The following CSMD1 variants were observed in gnomAD, a reference collection of about 807,000 sequenced individuals.
The protein encoded by CSMD1 is CUB and sushi domain-containing protein 1.
A neutral mutation model predicts 417.5 loss-of-function variants in CSMD1; 213 were observed. That is an observed-to-expected ratio of 0.51 (90% confidence interval 0.46 to 0.57). The LOEUF (loss-of-function observed/expected upper bound fraction) is 0.57, where lower values mean the gene tolerates loss of function less well. CSMD1 is among the 20% of genes least tolerant of loss of function. The pLI is 0.00. For synonymous variants in CSMD1, 2,862 were observed against 1,736.8 expected (o/e 1.65, Z -16.11); for missense variants, 6,923 against 4,529.7 (o/e 1.53, Z -15.17).
At chr8:3,618,293 C>T (rs1470994508) in intron 7 of CSMD1, among the ~76,000 whole-genome samples, 2 of 152,080 alleles carry the variant, frequency 1.3e-5, no homozygotes, top group East Asian at 3.9e-4. Flanking sequence ...ACATGTGCAA[C>T]CACACCCAGT....
chr8:3,992,668 A>G (rs1477528627), intron 5 of CSMD1, among the ~76,000 whole-genome samples: 1 of 152,152 alleles, frequency 6.6e-6, no homozygotes, highest in African/African-American at 2.4e-5. Flanking sequence ...GTAGTCCCAG[A>G]TACAAGGAAT....
chr8:4,527,158 AT>A lies in CSMD1; in HGVS notation c.303-107094del, dbSNP rs1241303279. On this transcript the variant is annotated intron_variant, in intron 2 of 69. Coordinates refer to ENST00000635120, the MANE Select transcript of CSMD1 (RefSeq NM_033225.6). ...CAAGAAAGTTAAGTTACCCAATGAC[AT>A]AAGTGCACATATAATTCTTCCTAGA... 5.9e-5 allele frequency among the ~76,000 whole-genome samples: 9 copies of A among 152,222 alleles called. No individual in the cohort carries two copies. The South Asian group carries it at 6.2e-4, about 11-fold the overall frequency.
chr8:4,594,444 C>T (rs764333962), intron 2 of CSMD1, among the ~76,000 whole-genome samples: 1 of 151,978 alleles, frequency 6.6e-6, no homozygotes, highest in Non-Finnish European at 1.5e-5. Flanking sequence ...AAGTAATCCA[C>T]GCATCTCAGC....
chr8:4,645,569 C>T (rs1009402105), intron 1 of CSMD1, among the ~76,000 whole-genome samples: 1 of 151,480 alleles, frequency 6.6e-6, no homozygotes, highest in African/African-American at 2.4e-5. Context: ...GGATATGAGC[C>T]CCAGTTTCCA....
At chr8:4,582,268 A>T (rs888117618) in intron 2 of CSMD1, among the ~76,000 whole-genome samples, 1 of 152,200 alleles carries the variant, frequency 6.6e-6, no homozygotes, top group Non-Finnish European at 1.5e-5. Flanking sequence ...ATGGTCCCGG[A>T]CATGATCTTC....
chr8:4,436,553 G>C (rs185413508), intron 2 of CSMD1, among the ~76,000 whole-genome samples: 29 of 152,196 alleles, frequency 1.9e-4, no homozygotes, highest in African/African-American at 6.0e-4. Context: ...CACACTGTAA[G>C]TTATTTTAAA....
At chr8:2,942,346 A>T in intron 69 of CSMD1, 126 bp downstream of exon 69, 1 of 911,250 alleles carries the variant, frequency 1.1e-6, no homozygotes, top group South Asian at 2.4e-5. Flanking sequence ...TTGATTTAAA[A>T]AAAAAAAAAG....
chr8:4,858,062 C>G (rs1378453351), intron 1 of CSMD1, among the ~76,000 whole-genome samples: 1 of 152,076 alleles, frequency 6.6e-6, no homozygotes, highest in Non-Finnish European at 1.5e-5. Flanking sequence ...AAAGCTTATC[C>G]ACCATGATCA....
intron 11 of CSMD1, among the ~76,000 whole-genome samples, chr8:3,489,906 C>G (rs931088916): frequency 6.6e-6 from 1 of 152,152 alleles, no homozygotes; most frequent in Non-Finnish European, 1.5e-5. Flanking sequence ...AGGTTTTAAA[C>G]TGCTGCTTTA....
chr8:4,539,361 T>G (rs2130505653), intron 2 of CSMD1, among the ~76,000 whole-genome samples: 1 of 152,334 alleles, frequency 6.6e-6, no homozygotes, highest in East Asian at 1.9e-4. Flanking sequence ...ACTAAGCCCA[T>G]GGATCAGCAG....
At chr8:3,167,074 C>A (rs1402503853) in intron 37 of CSMD1, among the ~76,000 whole-genome samples, 1 of 152,048 alleles carries the variant, frequency 6.6e-6, no homozygotes, top group Non-Finnish European at 1.5e-5. Flanking sequence ...ATCACAAGGT[C>A]AAGAGTTCCA....
At chr8:4,728,785 T>C (rs1008544215) in intron 1 of CSMD1, among the ~76,000 whole-genome samples, 3 of 152,104 alleles carry the variant, frequency 2.0e-5, no homozygotes, top group African/African-American at 7.2e-5. Flanking sequence ...AGATGTCTGC[T>C]GCCACCTAAA....
chr8:3,682,603 A>T (rs1226259817), intron 7 of CSMD1, among the ~76,000 whole-genome samples: 1 of 152,212 alleles, frequency 6.6e-6, no homozygotes, highest in African/African-American at 2.4e-5. Flanking sequence ...GGGACTGTAA[A>T]CTAGTTCAAC....
intron 3 of CSMD1, among the ~76,000 whole-genome samples, chr8:4,108,377 T>G (rs1184623529): frequency 6.6e-6 from 1 of 152,160 alleles, no homozygotes; most frequent in Non-Finnish European, 1.5e-5. Context: ...GGTATCTGTA[T>G]CAAGAACTAC....
chr8:4,093,240 A>T (rs1800814516), intron 3 of CSMD1, among the ~76,000 whole-genome samples: 1 of 143,568 alleles, frequency 7.0e-6, no homozygotes, highest in Non-Finnish European at 1.6e-5. Context: ...TTTACATAAT[A>T]CTTTGCTAAT....
At chr8:3,294,715 C>A (rs528018349) in intron 25 of CSMD1, among the ~76,000 whole-genome samples, 27 of 152,128 alleles carry the variant, frequency 1.8e-4, no homozygotes, top group Non-Finnish European at 2.9e-5. Context: ...TTCCAGGTGC[C>A]ATCTGTCACC....
At chr8:3,062,351 G>T (rs61249215) in intron 49 of CSMD1, among the ~76,000 whole-genome samples, 8 of 152,054 alleles carry the variant, frequency 5.3e-5, no homozygotes, top group African/African-American at 1.7e-4. Context: ...GGATAGAACT[G>T]GTCACACTGC....
At chr8:4,044,183 T>G (rs1798033120) in intron 3 of CSMD1, among the ~76,000 whole-genome samples, 1 of 152,204 alleles carries the variant, frequency 6.6e-6, no homozygotes, top group Non-Finnish European at 1.5e-5. Context: ...TCATTCATTC[T>G]AAAAGTTGAG....
chr8:3,622,300 C>G (rs1796291094), intron 7 of CSMD1, among the ~76,000 whole-genome samples: 1 of 152,164 alleles, frequency 6.6e-6, no homozygotes, highest in Non-Finnish European at 1.5e-5. Context: ...CAAATTAAAA[C>G]AGCTTCATCA....
Sources: allele counts gnomAD v4.1 joint callset (sites outside exome capture counted in the v4.1 genomes callset), GRCh38; gene constraint gnomAD v4.1.1; transcripts MANE v1.5; gene names NCBI Gene and HGNC (gene_info 2026-07-23, HGNC 2026-07-21).